The following NRG3 variants were observed in gnomAD, a reference collection of about 807,000 sequenced individuals.
NRG3 encodes the protein pro-neuregulin-3, membrane-bound isoform.
A neutral mutation model predicts 66.9 loss-of-function variants in NRG3; 31 were observed. The ratio of observed to expected loss-of-function variants is 0.46; its 90% confidence interval spans 0.35 to 0.63. The LOEUF (loss-of-function observed/expected upper bound fraction) is 0.63. Ranked by LOEUF, NRG3 falls within the 20% of genes least tolerant of loss-of-function variation. The probability of loss-of-function intolerance (pLI) is 0.00; values close to 1 mark genes in which losing one functional copy is unlikely to be tolerated. For synonymous variants in NRG3, 393 were observed against 359.4 expected, an observed-to-expected ratio of 1.09 and a Z score of -1.06; for missense variants, 910 against 878.9, an observed-to-expected ratio of 1.04 and a Z score of -0.45.
intron 2 of NRG3, among the ~76,000 whole-genome samples, chr10:82,547,178 A>G (rs1368116565): frequency 6.6e-6 from 1 of 152,074 alleles, no homozygotes; most frequent in African/African-American, 2.4e-5. Context: ...AAAACGATAT[A>G]CTATCTACAT....
At chr10:82,587,621 A>G (rs903833027) in intron 2 of NRG3, among the ~76,000 whole-genome samples, 12 of 152,194 alleles carry the variant, frequency 7.9e-5, no homozygotes, top group East Asian at 3.8e-4. Flanking sequence ...CTCCAGCCCA[A>G]TCTTCTCTGG....
chr10:82,280,484 CA>C (rs1367945251), intron 1 of NRG3, among the ~76,000 whole-genome samples: 1 of 152,156 alleles, frequency 6.6e-6, no homozygotes, highest in Non-Finnish European at 1.5e-5. Context: ...TGTCAAATAT[CA>C]AAAGATGACT....
chr10:82,157,648 C>G (rs1239479204), intron 1 of NRG3, among the ~76,000 whole-genome samples: 1 of 151,354 alleles, frequency 6.6e-6, no homozygotes, highest in Non-Finnish European at 1.5e-5. Flanking sequence ...GGAATATTAG[C>G]TGGGAAGCAT....
chr10:82,422,321 TC>T (rs1418860012), intron 2 of NRG3, among the ~76,000 whole-genome samples: 7 of 152,044 alleles, frequency 4.6e-5, no homozygotes, highest in African/African-American at 1.7e-4. Flanking sequence ...TCTGGGTTGA[TC>T]AAATTTAAAC....
At chr10:82,634,421 A>G (rs1317109409) in intron 2 of NRG3, among the ~76,000 whole-genome samples, 3 of 151,896 alleles carry the variant, frequency 2.0e-5, no homozygotes, top group African/African-American at 7.2e-5. Flanking sequence ...TCCCATATTC[A>G]TTATTTATGT....
chr10:82,946,615 G>GA (rs1359859366), intron 4 of NRG3, among the ~76,000 whole-genome samples: 1 of 151,750 alleles, frequency 6.6e-6, no homozygotes, highest in African/African-American at 2.4e-5. Flanking sequence ...AGACATAACA[G>GA]AAAAAAAGGA....
chr10:82,878,695 T>A (rs1391561808), intron 4 of NRG3, among the ~76,000 whole-genome samples: 1 of 152,206 alleles, frequency 6.6e-6, no homozygotes, highest in Non-Finnish European at 1.5e-5. Context: ...TGAGGCAATC[T>A]GTTTGGAAAT....
chr10:82,532,563 CTATATATG>C (rs1359671012), intron 2 of NRG3, among the ~76,000 whole-genome samples: 3 of 145,648 alleles, frequency 2.1e-5, no homozygotes, highest in Non-Finnish European at 3.0e-5. Flanking sequence ...GTATATAGTA[CTATATATG>C]TATATATGTA....
At chr10:82,766,292 G>A (rs2059509502) in intron 3 of NRG3, among the ~76,000 whole-genome samples, 1 of 152,114 alleles carries the variant, frequency 6.6e-6, no homozygotes, top group African/African-American at 2.4e-5. Context: ...TTTTCTCTTG[G>A]CTCTTAGGAG....
At chr10:82,164,628 G>T (rs977664118) in intron 1 of NRG3, among the ~76,000 whole-genome samples, 1 of 152,178 alleles carries the variant, frequency 6.6e-6, no homozygotes, top group Non-Finnish European at 1.5e-5. Flanking sequence ...GAGAGCAAGA[G>T]TGCAAGTAGC....
In NRG3 at chr10:82,311,140, A is replaced by C. The variant is rs571638795; in HGVS notation, c.824-47599A>C. On this transcript the variant is annotated intron_variant, in intron 1 of 8. Transcript: ENST00000372141. Reference sequence around the variant, plus strand: ...TAAGATTGAGCCAAATGAGAGTGACAGTTCTTTCTGGCTCCTCCGCTGGTT... The same window carrying C: ...TAAGATTGAGCCAAATGAGAGTGACCGTTCTTTCTGGCTCCTCCGCTGGTT... 1.6e-3 allele frequency among the ~76,000 whole-genome samples: 226 copies of C among 144,374 alleles called. 4 individuals are homozygous for C. The highest frequency in any genetic ancestry group is 8.5e-3 in the South Asian group (40 of 4,698). The allele number at this position is 144,374 out of a possible 152,430, so 94.7% of individuals were successfully genotyped here. A position where few individuals can be genotyped will look rare whatever the true frequency, so the allele number is the denominator to read the frequency against.
intron 3 of NRG3, among the ~76,000 whole-genome samples, chr10:82,749,155 C>G (rs1168574233): frequency 3.9e-5 from 6 of 152,056 alleles, no homozygotes; most frequent in Non-Finnish European, 5.9e-5. Context: ...ACTTCAGTTG[C>G]AGTCGGAGTA....
At chr10:82,247,728 C>A (rs2077306690) in intron 1 of NRG3, among the ~76,000 whole-genome samples, 1 of 152,088 alleles carries the variant, frequency 6.6e-6, no homozygotes. Flanking sequence ...AAATTCAGAC[C>A]AGAGTCTGAA....
At chr10:82,747,199 T>C (rs1422491800) in intron 3 of NRG3, among the ~76,000 whole-genome samples, 1 of 152,118 alleles carries the variant, frequency 6.6e-6, no homozygotes, top group Non-Finnish European at 1.5e-5. Flanking sequence ...TTCTTAATTT[T>C]ATATTCTTTT....
intron 1 of NRG3, among the ~76,000 whole-genome samples, chr10:82,305,654 A>C (rs148056214): frequency 8.6e-5 from 13 of 152,024 alleles, no homozygotes; most frequent in Non-Finnish European, 1.8e-4. Flanking sequence ...TTTTGATTAC[A>C]TGTGGAATAT....
chr10:82,490,858 T>C (rs1843032314), intron 2 of NRG3, among the ~76,000 whole-genome samples: 1 of 152,108 alleles, frequency 6.6e-6, no homozygotes. Flanking sequence ...TTATTTAAAA[T>C]AAATAATAAA....
At position 82,933,823 on chromosome 10, in the gene NRG3, G is replaced by A. The variant is rs150583044; in HGVS notation, c.1055-17646G>A. Among the ~76,000 whole-genome samples, 155 of 152,126 alleles carry A rather than the reference G, an allele frequency of 1.0e-3. 3 individuals carry two copies. In the East Asian group the frequency reaches 0.024, roughly 23 times the overall value. ...TACATTTTTAGCATGGCATATGATCGTTTTGAAATACTTATTTCAATATCC... is the reference window on the plus strand; with the variant it reads ...TACATTTTTAGCATGGCATATGATCATTTTGAAATACTTATTTCAATATCC... On this transcript the variant is annotated intron_variant, in intron 4 of 8. Coordinates refer to ENST00000372141, the MANE Select transcript of NRG3 (RefSeq NM_001010848.4).
intron 1 of NRG3, among the ~76,000 whole-genome samples, chr10:81,941,918 C>T (rs1458389754): frequency 6.6e-6 from 1 of 152,048 alleles, no homozygotes; most frequent in East Asian, 1.9e-4. Flanking sequence ...AGTTCTGAGG[C>T]AAAAGAAACA....
chr10:82,075,500 G>A (rs1388089401), intron 1 of NRG3, among the ~76,000 whole-genome samples: 2 of 152,120 alleles, frequency 1.3e-5, no homozygotes, highest in African/African-American at 2.4e-5. Flanking sequence ...GAATCTCATG[G>A]TCAGCCCTTT....
Sources: gnomAD v4.1 joint callset for allele counts (sites outside exome capture counted in the v4.1 genomes callset) on GRCh38, gnomAD v4.1.1 for gene constraint, MANE v1.5 for transcripts, NCBI Gene and HGNC (gene_info 2026-07-23, HGNC 2026-07-21) for gene names.